The following ATP1B1 variants were observed in gnomAD, a reference collection of about 807,000 sequenced individuals.
ATP1B1 encodes the protein ATPase Na+/K+ transporting subunit beta 1.
A neutral mutation model predicts 39.6 loss-of-function variants in ATP1B1; 3 were observed. That is an observed-to-expected ratio of 0.08 (90% CI 0.03 to 0.20). The LOEUF (loss-of-function observed/expected upper bound fraction) is 0.20, where lower values mean the gene tolerates loss of function less well. Ranked by LOEUF, ATP1B1 falls within the 10% of genes least tolerant of loss-of-function variation. The pLI, the probability that ATP1B1 is intolerant of heterozygous loss-of-function variation, is 1.00. For missense variants in ATP1B1, 216 were observed against 371.1 expected (o/e 0.58, Z 3.43); for synonymous variants, 139 against 135.0 (o/e 1.03, Z -0.20).
chr1:169,118,370 CGGAGGG>C (rs1657900131), intron 2 of ATP1B1, among the ~76,000 whole-genome samples: 1 of 152,140 alleles, frequency 6.6e-6, no homozygotes, highest in African/African-American at 2.4e-5. Flanking sequence ...TTCTGAGTGT[CGGAGGG>C]TGTGAATGTG....
chr1:169,129,393 T>G (rs1335864706), intron 4 of ATP1B1, among the ~76,000 whole-genome samples: 1 of 152,208 alleles, frequency 6.6e-6, no homozygotes, highest in African/African-American at 2.4e-5. Context: ...GTCCTCTGGG[T>G]CCCTTCAGTG....
At chr1:169,124,219 G>A (rs1337961098) in intron 2 of ATP1B1, among the ~76,000 whole-genome samples, 2 of 152,122 alleles carry the variant, frequency 1.3e-5, no homozygotes, top group Non-Finnish European at 2.9e-5. Context: ...CAAGGCATAC[G>A]GACTTTGAAT....
chr1:169,117,640 T>A (rs1477735704), intron 2 of ATP1B1, among the ~76,000 whole-genome samples: 1 of 151,864 alleles, frequency 6.6e-6, no homozygotes, highest in Non-Finnish European at 1.5e-5. Context: ...CACCCAAGGG[T>A]CATAGAAAGT....
intron 2 of ATP1B1, among the ~76,000 whole-genome samples, chr1:169,121,637 G>A (rs1026158916): frequency 6.6e-6 from 1 of 152,196 alleles, no homozygotes; most frequent in Non-Finnish European, 1.5e-5. Context: ...CAGCCAGAAA[G>A]TGAGAGGCAA....
rs1030384614 is a variant in ATP1B1, at chr1:169,111,598, T to C, written c.226+100T>C. 8.1e-6 allele frequency: 12 copies of C among 1,479,964 alleles called. 1 individual carries two copies. Among genetic ancestry groups the C allele is most frequent in the Non-Finnish European group, 1.0e-5 (11 of 1,099,924 alleles). 91.7% of individuals were successfully genotyped at this position (1,479,964 alleles called of 1,614,324 possible). A position where few individuals can be genotyped will look rare whatever the true frequency, so the allele number is the denominator to read the frequency against. ...TTTGGAAAATTACTCTATAATGTAG[T>C]CTTAAAGCAACCATGAAAAGGGAAA... On this transcript the variant is annotated intron_variant, in intron 2 of 5. Coordinates refer to ENST00000367815, the MANE Select transcript of ATP1B1 (RefSeq NM_001677.4).
intron 3 of ATP1B1, among the ~76,000 whole-genome samples, chr1:169,125,479 G>T (rs1658067812): frequency 6.6e-6 from 1 of 152,178 alleles, no homozygotes; most frequent in Admixed American, 6.5e-5. Flanking sequence ...GAGGATGTAT[G>T]GTCAGGGTAT....
chr1:169,117,260 G>C (rs940745182), intron 2 of ATP1B1, among the ~76,000 whole-genome samples: 1 of 152,290 alleles, frequency 6.6e-6, no homozygotes, highest in East Asian at 1.9e-4. Context: ...TTGTGGATGA[G>C]TTAGCATTGG....
At chr1:169,108,129 A>G (rs1024283338) in intron 1 of ATP1B1, 5 of 152,202 alleles carry the variant, frequency 3.3e-5, no homozygotes, top group Non-Finnish European at 7.3e-5. Context: ...CTCTTGATTG[A>G]AAATTAAAGG....
intron 2 of ATP1B1, among the ~76,000 whole-genome samples, chr1:169,119,339 T>C (rs1019907393): frequency 1.3e-5 from 2 of 152,226 alleles, no homozygotes; most frequent in Admixed American, 1.3e-4. Flanking sequence ...AACAAAGCTG[T>C]CTCTAGAGCT....
chr1:169,127,905 A>AT (rs1658123076), intron 4 of ATP1B1, among the ~76,000 whole-genome samples: 1 of 152,092 alleles, frequency 6.6e-6, no homozygotes, highest in South Asian at 2.1e-4. Context: ...CTGAAAAAAT[A>AT]TTTTTTCTGA....
In ATP1B1 at chr1:169,132,621, C is replaced by G; in HGVS notation, c.*1066C>G. On this transcript the variant is annotated 3_prime_UTR_variant, in exon 6 of 6. Transcript: ENST00000367815. ...TTAAATGTTGTCTACAGTGCAAAAT[C>G]CATGTTCTAACATATGTAATAATTG... The G allele has an allele frequency of 1.7e-6, 1 of 598,758 alleles. No individual in the cohort carries two copies. The highest frequency in any genetic ancestry group is 3.0e-5 in the East Asian group (1 of 33,590). The allele number at this position is 598,758 out of a possible 1,614,324, so 37.1% of individuals were successfully genotyped here. A position where few individuals can be genotyped will look rare whatever the true frequency, so the allele number is the denominator to read the frequency against.
Position 169,111,357 on chromosome 1 carries a change from GTTC to G in ATP1B1, c.98-7_98-5del. Reference sequence around the variant, plus strand: ...GACTGCATCACAGCTTTTTGTTTCTGTTCTTCTTGCAGTTAAGATCCTTCTATT... The same window carrying G: ...GACTGCATCACAGCTTTTTGTTTCTGTTCTTGCAGTTAAGATCCTTCTATT... On this transcript the variant is annotated splice_polypyrimidine_tract_variant and intron_variant, in intron 1 of 5. Coordinates refer to ENST00000367815, the MANE Select transcript of ATP1B1 (RefSeq NM_001677.4). 1.2e-6 allele frequency: 2 copies of G among 1,613,576 alleles called. No homozygotes were observed. The highest frequency in any genetic ancestry group is 1.7e-6 in the Non-Finnish European group (2 of 1,179,870).
At chr1:169,127,854 T>A (rs914832183) in intron 4 of ATP1B1, among the ~76,000 whole-genome samples, 7 of 152,278 alleles carry the variant, frequency 4.6e-5, no homozygotes, top group Admixed American at 4.6e-4. Context: ...CCAGTTTTGG[T>A]CCTCTGGAAG....
chr1:169,109,360 A>T (rs574445683), intron 1 of ATP1B1, among the ~76,000 whole-genome samples: 1 of 152,172 alleles, frequency 6.6e-6, no homozygotes, highest in African/African-American at 2.4e-5. Context: ...AGTTGGTGTG[A>T]CTTATCTAGC....
intron 1 of ATP1B1, among the ~76,000 whole-genome samples, chr1:169,109,906 G>A (rs1421432636): frequency 6.6e-6 from 1 of 152,008 alleles, no homozygotes; most frequent in Non-Finnish European, 1.5e-5. Context: ...TCACAGCGTT[G>A]CCATTTGCCT....
rs773375182 is a variant in ATP1B1, at chr1:169,106,939, T to A, written c.97+13T>A. 1.3e-6 allele frequency: 2 copies of A among 1,569,400 alleles called. No homozygotes were observed. The highest frequency in any genetic ancestry group is 1.8e-5 in the Admixed American group (1 of 55,322). ...GGTGGCAGTTGGTGTAAGTACGGGG[T>A]CCGCAGCTCCCGGCCGCCGCGTCTG... is the stretch of plus-strand genomic sequence containing the variant. On this transcript the variant is annotated intron_variant, in intron 1 of 5. Transcript: ENST00000367815.
chr1:169,114,917 A>T (rs1124571), intron 2 of ATP1B1, among the ~76,000 whole-genome samples: 32 of 151,808 alleles, frequency 2.1e-4, no homozygotes, highest in African/African-American at 7.5e-4. Context: ...TGGGGCCAGG[A>T]GTGGTGACTC....
At chr1:169,118,885 C>G (rs544613103) in intron 2 of ATP1B1, among the ~76,000 whole-genome samples, 1 of 152,224 alleles carries the variant, frequency 6.6e-6, no homozygotes, top group South Asian at 2.1e-4. Context: ...GAGATTTGAT[C>G]TAGTGATTTA....
chr1:169,125,304 G>A (rs1471055308), intron 3 of ATP1B1, among the ~76,000 whole-genome samples: 2 of 150,510 alleles, frequency 1.3e-5, no homozygotes, highest in Non-Finnish European at 2.9e-5. Context: ...TCAGAGCCAA[G>A]ACAGCAATTC....
Sources: allele counts gnomAD v4.1 joint callset (sites outside exome capture counted in the v4.1 genomes callset), GRCh38; gene constraint gnomAD v4.1.1; transcripts MANE v1.5; gene names NCBI Gene and HGNC (gene_info 2026-07-23, HGNC 2026-07-21).